ARHGAP15: variants seen among roughly 807,000 people sequenced by gnomAD.
The protein encoded by ARHGAP15 is rho GTPase-activating protein 15.
In ARHGAP15, 51 loss-of-function variants were observed where a neutral mutation model predicts 63.7. The observed-to-expected ratio is 0.80, with a 90% confidence interval of 0.64 to 1.01. The LOEUF (loss-of-function observed/expected upper bound fraction) is 1.01. ARHGAP15 is among the 50% of genes least tolerant of loss of function. ARHGAP15 has a pLI of 0.00. For synonymous variants in ARHGAP15, 191 were observed against 193.8 expected (o/e 0.99, Z 0.12); for missense variants, 560 against 564.6 (o/e 0.99, Z 0.08).
At chr2:143,657,122 A>G (rs1681487137) in intron 12 of ARHGAP15, among the ~76,000 whole-genome samples, 1 of 152,148 alleles carries the variant, frequency 6.6e-6, no homozygotes, top group Non-Finnish European at 1.5e-5. Flanking sequence ...TGAGGTGGGC[A>G]GATCGTGAGG....
chr2:143,592,929 T>G (rs922806437), intron 11 of ARHGAP15, among the ~76,000 whole-genome samples: 2 of 152,178 alleles, frequency 1.3e-5, no homozygotes, highest in Non-Finnish European at 2.9e-5. Context: ...TCTCTATTTA[T>G]ATGTGCACCA....
chr2:143,397,352 A>G (rs543208353), intron 6 of ARHGAP15, among the ~76,000 whole-genome samples: 84 of 138,646 alleles, frequency 6.1e-4, no homozygotes, highest in African/African-American at 1.2e-3. Flanking sequence ...GTGTGTATAT[A>G]TATATCTCCA....
chr2:143,393,091 A>G (rs1368138802), intron 6 of ARHGAP15, among the ~76,000 whole-genome samples: 1 of 152,120 alleles, frequency 6.6e-6, no homozygotes, highest in Non-Finnish European at 1.5e-5. Flanking sequence ...TTTTATTCTA[A>G]AGGTTTCTGT....
chr2:143,667,423 G>A (rs1264096769), intron 12 of ARHGAP15, among the ~76,000 whole-genome samples: 1 of 107,246 alleles, frequency 9.3e-6, no homozygotes. Flanking sequence ...ACTGTGGTGG[G>A]GTCGGGGGAG....
At chr2:143,605,630 G>A (rs1482099837) in intron 11 of ARHGAP15, among the ~76,000 whole-genome samples, 1 of 151,932 alleles carries the variant, frequency 6.6e-6, no homozygotes, top group Admixed American at 6.6e-5. Flanking sequence ...TCAGGAATCA[G>A]ATTCGCGGCA....
intron 13 of ARHGAP15, among the ~76,000 whole-genome samples, chr2:143,709,431 C>A (rs995858278): frequency 2.0e-5 from 3 of 152,126 alleles, no homozygotes; most frequent in African/African-American, 7.2e-5. Context: ...ATTTTACGTG[C>A]AAATAAACAT....
intron 13 of ARHGAP15, among the ~76,000 whole-genome samples, chr2:143,705,532 T>C (rs1385781200): frequency 6.6e-6 from 1 of 152,210 alleles, no homozygotes; most frequent in Non-Finnish European, 1.5e-5. Flanking sequence ...ATTCCTCAAA[T>C]GTTAATTCTT....
intron 9 of ARHGAP15, among the ~76,000 whole-genome samples, chr2:143,505,676 C>T (rs1693278732): frequency 6.6e-6 from 1 of 152,184 alleles, no homozygotes; most frequent in African/African-American, 2.4e-5. Context: ...TACATCACAC[C>T]TCCATGGAAC....
intron 12 of ARHGAP15, among the ~76,000 whole-genome samples, chr2:143,701,680 T>C (rs1160839231): frequency 6.6e-6 from 1 of 152,128 alleles, no homozygotes; most frequent in Non-Finnish European, 1.5e-5. Flanking sequence ...CAGTAAGCCA[T>C]GTTCACACCA....
At chr2:143,185,053 C>T (rs540722260) in intron 2 of ARHGAP15, among the ~76,000 whole-genome samples, 5 of 152,210 alleles carry the variant, frequency 3.3e-5, no homozygotes, top group African/African-American at 9.6e-5. Context: ...CCTCATTTTC[C>T]AAATGAATGT....
chr2:143,133,827 C>T (rs956866835), intron 1 of ARHGAP15, among the ~76,000 whole-genome samples: 24 of 152,114 alleles, frequency 1.6e-4, no homozygotes, highest in African/African-American at 5.8e-4. Context: ...TTATACTTCA[C>T]AGTTTATGTA....
chr2:143,694,409 T>C (rs1016984132), intron 12 of ARHGAP15, among the ~76,000 whole-genome samples: 1 of 152,246 alleles, frequency 6.6e-6, no homozygotes, highest in Non-Finnish European at 1.5e-5. Context: ...AAAATGATCA[T>C]GATAAATGTC....
At chr2:143,649,047 C>T (rs1244614252) in intron 12 of ARHGAP15, among the ~76,000 whole-genome samples, 5 of 151,934 alleles carry the variant, frequency 3.3e-5, no homozygotes, top group Admixed American at 6.6e-5. Flanking sequence ...AGTCAATGTA[C>T]GTGAGTCTTA....
intron 12 of ARHGAP15, among the ~76,000 whole-genome samples, chr2:143,630,043 A>G (rs1411502172): frequency 6.6e-6 from 1 of 152,154 alleles, no homozygotes; most frequent in African/African-American, 2.4e-5. Context: ...CAGAAGACCC[A>G]TATGTCCTAT....
intron 12 of ARHGAP15, among the ~76,000 whole-genome samples, chr2:143,656,618 T>C (rs1333827454): frequency 6.6e-6 from 1 of 152,224 alleles, no homozygotes; most frequent in Non-Finnish European, 1.5e-5. Flanking sequence ...CAAGCAACTC[T>C]CCAGTGGTAG....
intron 6 of ARHGAP15, among the ~76,000 whole-genome samples, chr2:143,387,909 G>GCACACA (rs34299102): frequency 4.0e-5 from 6 of 149,400 alleles, no homozygotes; most frequent in Admixed American, 1.3e-4. Context: ...ACGCATGCCT[G>GCACACA]CACACACACA....
chr2:143,314,271 A>T (rs1683594436), intron 6 of ARHGAP15, among the ~76,000 whole-genome samples: 1 of 152,214 alleles, frequency 6.6e-6, no homozygotes, highest in African/African-American at 2.4e-5. Flanking sequence ...ATTTTTAATT[A>T]AAAAATTACA....
intron 6 of ARHGAP15, among the ~76,000 whole-genome samples, chr2:143,351,593 G>A (rs1248339085): frequency 6.6e-6 from 1 of 152,144 alleles, no homozygotes; most frequent in East Asian, 1.9e-4. Context: ...TACAAGGAAT[G>A]GCTTTTTAAC....
At chr2:143,662,808 G>C (rs1319642167) in intron 12 of ARHGAP15, among the ~76,000 whole-genome samples, 2 of 117,718 alleles carry the variant, frequency 1.7e-5, no homozygotes, top group Non-Finnish European at 3.6e-5. Flanking sequence ...TGGAAGAAAG[G>C]GTATCAGCAA....
Sources: gnomAD v4.1 joint callset for allele counts (sites outside exome capture counted in the v4.1 genomes callset) on GRCh38, gnomAD v4.1.1 for gene constraint, MANE v1.5 for transcripts, NCBI Gene and HGNC (gene_info 2026-07-23, HGNC 2026-07-21) for gene names.